Variants in FRMPD4 observed in about 807,000 individuals in gnomAD.
FRMPD4 encodes the protein FERM and PDZ domain containing 4.
Under a neutral mutation model 94.1 loss-of-function variants are expected in FRMPD4, and 22 were observed. The ratio of observed to expected loss-of-function variants is 0.23; its 90% CI spans 0.17 to 0.33. The LOEUF is 0.33. Ranked by LOEUF, FRMPD4 falls within the 10% of genes least tolerant of loss-of-function variation. FRMPD4 has a pLI of 1.00. For synonymous variants in FRMPD4, 631 were observed against 548.6 expected (o/e 1.15, Z -2.10); for missense variants, 1,111 against 1,339.9 (o/e 0.83, Z 2.67).
At chrX:12,263,322 G>C (rs1486921329) in intron 1 of FRMPD4, among the ~76,000 whole-genome samples, 1 of 111,504 alleles carries the variant, frequency 9.0e-6, no homozygotes, top group Non-Finnish European at 1.9e-5. Flanking sequence ...GGAGAGGTGA[G>C]AGTATGCCTG....
chrX:12,186,117 A>G lies in FRMPD4; in HGVS notation c.41+47105A>G, dbSNP rs908921530. Among the ~76,000 whole-genome samples the G allele has an allele frequency of 3.6e-5, 4 of 111,488 alleles. No homozygotes were observed. The Admixed American group carries it at 3.8e-4, about 11-fold the overall frequency. ...AATTGCCTCCACTCCAAGGCATTTCAACTCTATTTTTTGCACAATAACTTT... is the reference window on the plus strand; with the variant it reads ...AATTGCCTCCACTCCAAGGCATTTCGACTCTATTTTTTGCACAATAACTTT... On this transcript the variant is annotated intron_variant, in intron 1 of 16. Coordinates refer to ENST00000675598, the MANE Select transcript of FRMPD4 (RefSeq NM_001368397.1).
rs893420777 is a variant in FRMPD4, at chrX:12,261,524, T to A, written c.41+122512T>A. Among the ~76,000 whole-genome samples the A allele has an allele frequency of 3.6e-5, 4 of 111,745 alleles. No homozygotes were observed. In the Admixed American group the frequency reaches 3.8e-4, roughly 11 times the overall value. On this transcript the variant is annotated intron_variant, in intron 1 of 16. Coordinates refer to ENST00000675598, the MANE Select transcript of FRMPD4 (RefSeq NM_001368397.1). ...AAGAGACTACTGGAAGCTAAAGGACTGCCAAACATTATTTTGGTGATAAAA... is the reference window on the plus strand; with the variant it reads ...AAGAGACTACTGGAAGCTAAAGGACAGCCAAACATTATTTTGGTGATAAAA...
At chrX:12,092,746 A>G (rs1231297561) in intron 3 of FRMPD4, among the ~76,000 whole-genome samples, 4 of 111,804 alleles carry the variant, frequency 3.6e-5, no homozygotes, top group Non-Finnish European at 3.8e-5. Context: ...ATGCCTGTCA[A>G]TCACCTAAGT....
At chrX:11,844,931 A>G (rs1363640118) in intron 1 of FRMPD4, among the ~76,000 whole-genome samples, 2 of 111,554 alleles carry the variant, frequency 1.8e-5, no homozygotes, top group East Asian at 5.6e-4. Flanking sequence ...GACCATTTCT[A>G]TTGATTTAAA....
chrX:12,425,577 G>C (rs189202896), intron 1 of FRMPD4, among the ~76,000 whole-genome samples: 1 of 111,845 alleles, frequency 8.9e-6, no homozygotes, highest in East Asian at 2.8e-4. Context: ...TCAACCGGGG[G>C]TATTTTGAGA....
At chrX:11,941,084 G>A (rs2054157072) in intron 3 of FRMPD4, among the ~76,000 whole-genome samples, 1 of 39,737 alleles carries the variant, frequency 2.5e-5, no homozygotes, top group Non-Finnish European at 5.2e-5. Context: ...TCTTTGACTC[G>A]GAAAGGGAAC....
At chrX:12,708,578 C>T (rs67589361) in intron 13 of FRMPD4, among the ~76,000 whole-genome samples, 5,465 of 111,184 alleles carry the variant, frequency 0.049, 343 homozygotes, top group African/African-American at 0.17. Flanking sequence ...CTTCTTTTCC[C>T]AGTAGAGATG....
intron 2 of FRMPD4, among the ~76,000 whole-genome samples, chrX:12,547,165 CTAAT>C (rs1363283339): frequency 9.0e-6 from 1 of 110,758 alleles, no homozygotes; most frequent in Non-Finnish European, 1.9e-5. Flanking sequence ...GTACCCTTCA[CTAAT>C]TAAGTCGCTC....
chrX:12,519,119 C>T (rs1486771347), intron 2 of FRMPD4, among the ~76,000 whole-genome samples: 3 of 112,028 alleles, frequency 2.7e-5, no homozygotes, highest in African/African-American at 9.7e-5. Flanking sequence ...GTCAATATTG[C>T]CCAAAGCAGT....
intron 3 of FRMPD4, among the ~76,000 whole-genome samples, chrX:12,033,811 C>T (rs2054705174): frequency 8.9e-6 from 1 of 112,269 alleles, no homozygotes; most frequent in African/African-American, 3.2e-5. Context: ...AATTCTCCCA[C>T]CTCAGCCTCC....
chrX:12,074,768 T>A (rs1301530926), intron 3 of FRMPD4, among the ~76,000 whole-genome samples: 1 of 112,773 alleles, frequency 8.9e-6, no homozygotes, highest in Non-Finnish European at 1.9e-5. Context: ...ATACATTTGC[T>A]CTGTGTGGAT....
intron 1 of FRMPD4, among the ~76,000 whole-genome samples, chrX:12,284,048 A>G (rs192102509): frequency 3.3e-4 from 37 of 112,123 alleles, no homozygotes; most frequent in Non-Finnish European, 5.5e-4. Flanking sequence ...TAATCTGTGG[A>G]AGATAGTTTT....
At chrX:11,941,819 CTGCTG>C (rs1262332199) in intron 3 of FRMPD4, among the ~76,000 whole-genome samples, 2 of 111,901 alleles carry the variant, frequency 1.8e-5, no homozygotes, top group African/African-American at 6.5e-5. Context: ...GAAGGTTTTT[CTGCTG>C]TGCTTAAAAC....
intron 3 of FRMPD4, among the ~76,000 whole-genome samples, chrX:11,922,659 G>A (rs1011198354): frequency 8.9e-6 from 1 of 112,333 alleles, no homozygotes; most frequent in Non-Finnish European, 1.9e-5. Flanking sequence ...AGAAGGAGGG[G>A]ACCCCTTGAC....
chrX:12,446,951 G>A (rs751524275), intron 1 of FRMPD4, among the ~76,000 whole-genome samples: 10 of 111,321 alleles, frequency 9.0e-5, no homozygotes, highest in Non-Finnish European at 1.5e-4. Context: ...GGTGAGGAGC[G>A]TGGGCAATCT....
intron 4 of FRMPD4, among the ~76,000 whole-genome samples, chrX:12,635,944 C>G (rs2059439799): frequency 8.9e-6 from 1 of 111,919 alleles, no homozygotes; most frequent in Non-Finnish European, 1.9e-5. Flanking sequence ...TGCCAAGGTA[C>G]TTTCTCACCC....
rs1377165030 is a variant in FRMPD4, at chrX:12,102,924, G to A, written c.95+224906G>A. On this transcript the variant is annotated intron_variant, in intron 3 of 18. Coordinates refer to the FRMPD4 transcript ENST00000640291. ...TGGTGAAAAAAATAGCTAACAGAAGGCAATAATTTGAGAATGCATTAAACT... is the reference window on the plus strand; with the variant it reads ...TGGTGAAAAAAATAGCTAACAGAAGACAATAATTTGAGAATGCATTAAACT... Among the ~76,000 whole-genome samples the A allele has an allele frequency of 4.5e-5, 5 of 110,901 alleles. No homozygotes were observed. In the East Asian group the frequency reaches 1.4e-3, roughly 31 times the overall value.
intron 3 of FRMPD4, among the ~76,000 whole-genome samples, chrX:11,898,825 G>C (rs906324189): frequency 8.9e-6 from 1 of 111,858 alleles, no homozygotes; most frequent in African/African-American, 3.3e-5. Flanking sequence ...TAAGTGATTG[G>C]CTGTGTGCTA....
rs1555975081 is a variant in FRMPD4, at chrX:12,505,749, A to AAG, written c.158+6953_158+6954insAG. On this transcript the variant is annotated intron_variant, in intron 2 of 16. Transcript: ENST00000675598. Reference sequence around the variant, plus strand: ...TCCGAAAAAAAAAAAAAAAAAAAAAAGGGGGGGAGAGCAACTGAGACGGGA... The same window carrying AAG: ...TCCGAAAAAAAAAAAAAAAAAAAAAAAGGGGGGGGAGAGCAACTGAGACGGGA... 3.4e-4 allele frequency among the ~76,000 whole-genome samples: 27 copies of AAG among 78,800 alleles called. 1 individual carries two copies. The highest frequency in any genetic ancestry group is 8.1e-4 in the Admixed American group (6 of 7,427). The allele number at this position is 78,800 out of a possible 115,157, so 68.4% of individuals were successfully genotyped here. A position where few individuals can be genotyped will look rare whatever the true frequency, so the allele number is the denominator to read the frequency against.
Sources: gnomAD v4.1 joint callset for allele counts (sites outside exome capture counted in the v4.1 genomes callset) on GRCh38, gnomAD v4.1.1 for gene constraint, MANE v1.5 for transcripts, NCBI Gene and HGNC (gene_info 2026-07-23, HGNC 2026-07-21) for gene names.